PRKG1: variants seen among roughly 807,000 people sequenced by gnomAD.
PRKG1 encodes the protein protein kinase cGMP-dependent 1.
In PRKG1, 35 loss-of-function variants were observed where a neutral mutation model predicts 88.1. The observed-to-expected ratio is 0.40, with a 90% CI of 0.30 to 0.53. The LOEUF is 0.53. PRKG1 is among the 20% of genes least tolerant of loss of function. The pLI is 0.59. For synonymous variants in PRKG1, 303 were observed against 292.5 expected (o/e 1.04, Z -0.37); for missense variants, 540 against 839.8 (o/e 0.64, Z 4.41).
At chr10:52,177,358 C>T (rs1390987706) in intron 9 of PRKG1, among the ~76,000 whole-genome samples, 1 of 151,914 alleles carries the variant, frequency 6.6e-6, no homozygotes, top group Non-Finnish European at 1.5e-5. Flanking sequence ...AAAAAAATCC[C>T]ATTTGATCAT....
At chr10:52,109,998 G>A (rs943084176) in intron 7 of PRKG1, among the ~76,000 whole-genome samples, 5 of 151,670 alleles carry the variant, frequency 3.3e-5, no homozygotes, top group Admixed American at 2.6e-4. Context: ...CAAAGATCAG[G>A]GTCATGATGT....
At chr10:51,999,794 G>A (rs571002809) in intron 5 of PRKG1, among the ~76,000 whole-genome samples, 52 of 152,044 alleles carry the variant, frequency 3.4e-4, no homozygotes, top group Non-Finnish European at 5.0e-4. Flanking sequence ...AGTATAATTT[G>A]TATATCTCCA....
In PRKG1 at chr10:51,978,436, C is replaced by CTTTT. The variant is rs34946662; in HGVS notation, c.762+70880_762+70883dup. On this transcript the variant is annotated intron_variant, in intron 5 of 17. Transcript: ENST00000373980. ...TAGGATTGCCTTGGCCATTCGGGCT[C>CTTTT]TTTTTTTTTTTTTTTTTAGCTCCCT... Among the ~76,000 whole-genome samples the CTTTT allele has an allele frequency of 1.8e-3, 237 of 134,322 alleles. 2 individuals are homozygous for CTTTT. The highest frequency in any genetic ancestry group is 5.3e-3 in the African/African-American group (196 of 36,730). The allele number at this position is 134,322 out of a possible 152,430, so 88.1% of individuals were successfully genotyped here.
chr10:52,246,876 C>CAAAAAAAA (rs756775020), intron 9 of PRKG1, among the ~76,000 whole-genome samples: 3 of 57,214 alleles, frequency 5.2e-5, no homozygotes, highest in Non-Finnish European at 6.5e-5. Flanking sequence ...AACACAGTCT[C>CAAAAAAAA]AAAAAAAAAA....
intron 3 of PRKG1, among the ~76,000 whole-genome samples, chr10:51,686,425 T>C (rs1003270727): frequency 1.3e-5 from 2 of 152,164 alleles, no homozygotes; most frequent in African/African-American, 4.8e-5. Flanking sequence ...TTAGATTGCA[T>C]AGGATAATGG....
At chr10:51,835,157 G>T (rs1840101961) in intron 4 of PRKG1, among the ~76,000 whole-genome samples, 1 of 152,192 alleles carries the variant, frequency 6.6e-6, no homozygotes, top group African/African-American at 2.4e-5. Context: ...TACAGAGACA[G>T]AAGCTTCTGT....
intron 3 of PRKG1, among the ~76,000 whole-genome samples, chr10:51,580,955 T>C (rs959108478): frequency 3.9e-5 from 6 of 152,058 alleles, no homozygotes. Flanking sequence ...CCCAGGTGGA[T>C]CAGCAGGTCG....
intron 3 of PRKG1, among the ~76,000 whole-genome samples, chr10:51,689,169 TATG>T (rs1841071513): frequency 6.6e-6 from 1 of 152,118 alleles, no homozygotes; most frequent in African/African-American, 2.4e-5. Flanking sequence ...GAGTCTGGGG[TATG>T]TATTTATCAG....
chr10:51,999,099 G>T lies in PRKG1; in HGVS notation c.763-55385G>T, dbSNP rs565509500. Among the ~76,000 whole-genome samples the T allele has an allele frequency of 2.0e-5, 3 of 152,310 alleles. No individual in the cohort carries two copies. In the South Asian group the frequency reaches 6.2e-4, roughly 32 times the overall value. On this transcript the variant is annotated intron_variant, in intron 5 of 17. Transcript: ENST00000373980. ...TTTCTCTAGAACTTTAAACAGAAAT[G>T]AATCTAACTATAACCAAAAGCAGCA...
intron 8 of PRKG1, among the ~76,000 whole-genome samples, chr10:52,138,164 T>C (rs1837477774): frequency 6.6e-6 from 1 of 151,988 alleles, no homozygotes; most frequent in Admixed American, 6.6e-5. Flanking sequence ...TGCATGTCTC[T>C]CCCACTCCTC....
intron 13 of PRKG1, 104 bp downstream of exon 13, chr10:52,281,034 T>C (rs748434630): frequency 1.4e-4 from 186 of 1,350,584 alleles, no homozygotes; most frequent in Non-Finnish European, 1.8e-4. Flanking sequence ...CTTTTCAATG[T>C]TGTAACTTTC....
At chr10:51,453,303 A>G (rs868189584) in intron 2 of PRKG1, among the ~76,000 whole-genome samples, 7 of 151,554 alleles carry the variant, frequency 4.6e-5, no homozygotes, top group Non-Finnish European at 8.9e-5. Context: ...CATTTATTTC[A>G]GTTTCATTTA....
At chr10:51,788,309 A>G (rs956315357) in intron 3 of PRKG1, among the ~76,000 whole-genome samples, 1 of 152,166 alleles carries the variant, frequency 6.6e-6, no homozygotes, top group Non-Finnish European at 1.5e-5. Context: ...TTGAATGATC[A>G]ATTTTCTTTG....
intron 3 of PRKG1, among the ~76,000 whole-genome samples, chr10:51,632,829 T>C (rs1839561216): frequency 1.3e-5 from 2 of 152,212 alleles, no homozygotes; most frequent in African/African-American, 4.8e-5. Flanking sequence ...TAATTTGGAA[T>C]ATGGTGAGTC....
intron 3 of PRKG1, among the ~76,000 whole-genome samples, chr10:51,752,416 C>A (rs1264654929): frequency 6.6e-6 from 1 of 152,176 alleles, no homozygotes; most frequent in East Asian, 1.9e-4. Flanking sequence ...CTATTCTACA[C>A]ATTTTGCTGA....
chr10:52,095,334 C>A (rs1028850194), intron 7 of PRKG1, among the ~76,000 whole-genome samples: 1 of 152,172 alleles, frequency 6.6e-6, no homozygotes, highest in Non-Finnish European at 1.5e-5. Flanking sequence ...TTTAATTCTG[C>A]TCCCTTCTCC....
chr10:51,172,828 T>A (rs1399315427), intron 2 of PRKG1, among the ~76,000 whole-genome samples: 1 of 152,180 alleles, frequency 6.6e-6, no homozygotes, highest in East Asian at 1.9e-4. Context: ...ACATTCTTAA[T>A]TTACTAATAC....
chr10:51,844,379 A>G (rs769289995), intron 4 of PRKG1, among the ~76,000 whole-genome samples: 20 of 152,178 alleles, frequency 1.3e-4, no homozygotes, highest in Non-Finnish European at 2.5e-4. Context: ...AAAGATTAAG[A>G]GGAGAATGAA....
intron 1 of PRKG1, among the ~76,000 whole-genome samples, chr10:51,067,413 G>A (rs1843766402): frequency 6.6e-6 from 1 of 151,932 alleles, no homozygotes; most frequent in African/African-American, 2.4e-5. Context: ...ATTACTTGCT[G>A]TTTTCTGATG....
Sources: allele counts gnomAD v4.1 joint callset (sites outside exome capture counted in the v4.1 genomes callset), GRCh38; gene constraint gnomAD v4.1.1; transcripts MANE v1.5; gene names NCBI Gene and HGNC (gene_info 2026-07-23, HGNC 2026-07-21).